Variants in PPP3CA observed in about 807,000 individuals in gnomAD.
PPP3CA encodes the protein protein phosphatase 3 catalytic subunit alpha.
A neutral mutation model predicts 66.5 loss-of-function variants in PPP3CA; 14 were observed. That is an observed-to-expected ratio of 0.21 (90% CI 0.14 to 0.33). The LOEUF is 0.33. Among genes scored for constraint, PPP3CA ranks in the 10% least tolerant of loss-of-function variants. PPP3CA has a pLI of 1.00. For missense variants in PPP3CA, 317 were observed against 639.5 expected, an observed-to-expected ratio of 0.50 and a Z score of 5.44; for synonymous variants, 232 against 226.2, an observed-to-expected ratio of 1.03 and a Z score of -0.23.
At chr4:101,298,341 T>TAG (rs756049442) in intron 1 of PPP3CA, among the ~76,000 whole-genome samples, 9 of 142,530 alleles carry the variant, frequency 6.3e-5, no homozygotes, top group African/African-American at 2.2e-4. Flanking sequence ...AGCAGGGAGA[T>TAG]ATATATATAT....
intron 1 of PPP3CA, among the ~76,000 whole-genome samples, chr4:101,328,937 C>T (rs1383280848): frequency 6.6e-6 from 1 of 152,016 alleles, no homozygotes; most frequent in African/African-American, 2.4e-5. Context: ...TCTCCTTGGG[C>T]CTCCCTACTC....
intron 2 of PPP3CA, among the ~76,000 whole-genome samples, chr4:101,186,237 C>T (rs1158628263): frequency 6.6e-6 from 1 of 151,964 alleles, no homozygotes; most frequent in Non-Finnish European, 1.5e-5. Flanking sequence ...ACGAAATACC[C>T]CCAAATAGTT....
intron 10 of PPP3CA, among the ~76,000 whole-genome samples, chr4:101,060,596 T>C (rs1218822779): frequency 6.6e-6 from 1 of 152,126 alleles, no homozygotes; most frequent in East Asian, 1.9e-4. Flanking sequence ...AGTTTATTCA[T>C]TACCTATTAC....
At chr4:101,078,041 G>A (rs1314682778) in intron 8 of PPP3CA, among the ~76,000 whole-genome samples, 2 of 151,854 alleles carry the variant, frequency 1.3e-5, no homozygotes, top group Non-Finnish European at 2.9e-5. Context: ...GAAACTGTTG[G>A]GAAACTTCTA....
At chr4:101,301,830 AT>A (rs1728387156) in intron 1 of PPP3CA, among the ~76,000 whole-genome samples, 1 of 149,404 alleles carries the variant, frequency 6.7e-6, no homozygotes, top group African/African-American at 2.4e-5. Context: ...TTATATATAT[AT>A]ATATATAATT....
intron 13 of PPP3CA, among the ~76,000 whole-genome samples, chr4:101,027,997 T>G (rs908187640): frequency 6.6e-6 from 1 of 152,274 alleles, no homozygotes; most frequent in South Asian, 2.1e-4. Context: ...AGATTAGAAT[T>G]TGCCAAGAGG....
intron 1 of PPP3CA, among the ~76,000 whole-genome samples, chr4:101,294,781 T>C (rs1298868170): frequency 6.6e-6 from 1 of 151,968 alleles, no homozygotes; most frequent in Non-Finnish European, 1.5e-5. Flanking sequence ...ACTCACTAGA[T>C]ACCAGCACTC....
intron 4 of PPP3CA, among the ~76,000 whole-genome samples, chr4:101,099,162 C>A (rs571640886): frequency 4.6e-5 from 7 of 152,030 alleles, no homozygotes; most frequent in Non-Finnish European, 5.9e-5. Flanking sequence ...TTGAAAAAAG[C>A]ACTCCACACT....
At chr4:101,249,451 T>C (rs1259550416) in intron 1 of PPP3CA, among the ~76,000 whole-genome samples, 5 of 152,106 alleles carry the variant, frequency 3.3e-5, no homozygotes, top group Non-Finnish European at 7.4e-5. Flanking sequence ...TGCTAGAAAT[T>C]TTCACCCATT....
intron 1 of PPP3CA, among the ~76,000 whole-genome samples, chr4:101,269,507 TC>T (rs1727266830): frequency 4.9e-5 from 1 of 20,300 alleles, no homozygotes; most frequent in South Asian, 1.0e-3. Flanking sequence ...GGTTTTGTCT[TC>T]TTATCATGCA....
chr4:101,278,135 A>AAAAT, intron 1 of PPP3CA, among the ~76,000 whole-genome samples: 1 of 145,126 alleles, frequency 6.9e-6, no homozygotes, highest in African/African-American at 2.7e-5. Context: ...AAAAAAAAAA[A>AAAAT]AAAATAAAAA....
intron 3 of PPP3CA, among the ~76,000 whole-genome samples, chr4:101,102,798 T>G (rs559910076): frequency 4.2e-4 from 64 of 152,288 alleles, no homozygotes; most frequent in African/African-American, 1.5e-3. Flanking sequence ...GATGGCTAAC[T>G]TGAATCAAAT....
chr4:101,335,351 G>C (rs1463389042), intron 1 of PPP3CA, among the ~76,000 whole-genome samples: 1 of 151,856 alleles, frequency 6.6e-6, no homozygotes, highest in Non-Finnish European at 1.5e-5. Flanking sequence ...GTCAAGTGAG[G>C]TGCTGAGCTA....
chr4:101,170,783 G>C (rs138733851), intron 2 of PPP3CA, among the ~76,000 whole-genome samples: 3 of 151,992 alleles, frequency 2.0e-5, no homozygotes, highest in Non-Finnish European at 4.4e-5. Flanking sequence ...ATTCTTATCT[G>C]TTCCCCAAAT....
intron 1 of PPP3CA, among the ~76,000 whole-genome samples, chr4:101,274,861 C>T (rs146485796): frequency 1.1e-4 from 17 of 152,234 alleles, no homozygotes; most frequent in Non-Finnish European, 2.2e-4. Context: ...ACAAACCTAA[C>T]AGGTGCTTTC....
chr4:101,114,883 C>T (rs908865970), intron 2 of PPP3CA, among the ~76,000 whole-genome samples: 3 of 152,006 alleles, frequency 2.0e-5, no homozygotes, highest in African/African-American at 7.2e-5. Flanking sequence ...GAGCTTCCCC[C>T]AACCCCAATA....
At chr4:101,037,836 A>G (rs1727319397) in intron 11 of PPP3CA, among the ~76,000 whole-genome samples, 1 of 152,216 alleles carries the variant, frequency 6.6e-6, no homozygotes, top group South Asian at 2.1e-4. Flanking sequence ...CTTTTAAACT[A>G]GATTCCTCAC....
At chr4:101,307,714 G>A (rs1345835669) in intron 1 of PPP3CA, among the ~76,000 whole-genome samples, 1 of 152,126 alleles carries the variant, frequency 6.6e-6, no homozygotes, top group Non-Finnish European at 1.5e-5. Context: ...TGTACTTGTG[G>A]CCAACACTTG....
At chr4:101,273,511 G>C (rs1404250294) in intron 1 of PPP3CA, among the ~76,000 whole-genome samples, 1 of 152,168 alleles carries the variant, frequency 6.6e-6, no homozygotes, top group African/African-American at 2.4e-5. Context: ...ACTATTAGTA[G>C]AGACAGGGTT....
Sources: allele counts gnomAD v4.1 joint callset (sites outside exome capture counted in the v4.1 genomes callset), GRCh38; gene constraint gnomAD v4.1.1; transcripts MANE v1.5; gene names NCBI Gene and HGNC (gene_info 2026-07-23, HGNC 2026-07-21).